Variants in ATE1 observed in about 807,000 individuals in gnomAD.
The protein encoded by ATE1 is arginyltransferase 1.
ATE1 carries 36 observed loss-of-function variants against 70.5 expected under a neutral mutation model. That is an observed-to-expected ratio of 0.51 (90% CI 0.39 to 0.67). The LOEUF is 0.67. Ranked by LOEUF, ATE1 falls within the 30% of genes least tolerant of loss-of-function variation. The pLI, the probability that ATE1 is intolerant of heterozygous loss-of-function variation, is 0.00. For synonymous variants in ATE1, 232 were observed against 219.3 expected (o/e 1.06, Z -0.51); for missense variants, 593 against 629.5 (o/e 0.94, Z 0.62).
intron 10 of ATE1, among the ~76,000 whole-genome samples, chr10:121,836,158 C>T (rs181851343): frequency 6.6e-6 from 1 of 152,302 alleles, no homozygotes; most frequent in East Asian, 1.9e-4. Context: ...TCTTGAGCTA[C>T]TCCTTCCTTT....
chr10:121,807,448 T>C (rs1386624601), intron 10 of ATE1, among the ~76,000 whole-genome samples: 1 of 152,174 alleles, frequency 6.6e-6, no homozygotes, highest in African/African-American at 2.4e-5. Context: ...ATTTTAACAT[T>C]TGTATCCCAG....
chr10:121,855,321 T>C (rs1949206458), intron 8 of ATE1, among the ~76,000 whole-genome samples: 1 of 152,216 alleles, frequency 6.6e-6, no homozygotes, highest in African/African-American at 2.4e-5. Context: ...GCAACAGTAA[T>C]AGGTAGATTT....
At chr10:121,752,381 C>T (rs1944623386) in intron 11 of ATE1, among the ~76,000 whole-genome samples, 1 of 151,184 alleles carries the variant, frequency 6.6e-6, no homozygotes, top group African/African-American at 2.4e-5. Context: ...CAGGCACCCG[C>T]CACCACGCCT....
intron 11 of ATE1, among the ~76,000 whole-genome samples, chr10:121,789,664 G>A (rs1397032029): frequency 6.6e-6 from 1 of 152,044 alleles, no homozygotes; most frequent in Admixed American, 6.6e-5. Flanking sequence ...GAACAATGGG[G>A]AACAAAATAT....
intron 3 of ATE1, among the ~76,000 whole-genome samples, chr10:121,915,653 G>T (rs1951619856): frequency 6.6e-6 from 1 of 152,098 alleles, no homozygotes; most frequent in Non-Finnish European, 1.5e-5. Flanking sequence ...ACTTTGGGAG[G>T]CCGAGGCAGG....
At chr10:121,916,099 C>T (rs939119410) in intron 3 of ATE1, among the ~76,000 whole-genome samples, 2 of 150,536 alleles carry the variant, frequency 1.3e-5, no homozygotes, top group African/African-American at 2.4e-5. Context: ...TGGTGGCAGG[C>T]ACCTGTAGTC....
chr10:121,856,998 G>C (rs1949273927), intron 8 of ATE1, among the ~76,000 whole-genome samples: 1 of 152,102 alleles, frequency 6.6e-6, no homozygotes, highest in African/African-American at 2.4e-5. Flanking sequence ...CAACTAAATT[G>C]AATTATAATT....
At chr10:121,856,828 T>C (rs1156473428) in intron 8 of ATE1, among the ~76,000 whole-genome samples, 5 of 152,168 alleles carry the variant, frequency 3.3e-5, no homozygotes, top group Non-Finnish European at 7.3e-5. Flanking sequence ...ATCTGAGAAG[T>C]GCAACGAAGC....
chr10:121,772,952 A>G (rs1311730976), intron 11 of ATE1, among the ~76,000 whole-genome samples: 1 of 152,236 alleles, frequency 6.6e-6, no homozygotes, highest in African/African-American at 2.4e-5. Flanking sequence ...GTGTTACACA[A>G]AAAGTTCTAA....
chr10:121,790,242 C>T lies in ATE1; in HGVS notation c.1305G>A (p.Trp435Ter). The T allele has an allele frequency of 6.2e-7, 1 of 1,613,986 alleles. No homozygotes were observed. The highest frequency in any genetic ancestry group is 8.5e-7 in the Non-Finnish European group (1 of 1,179,962). ...AAGGCAGGCATTGCTCAATGGGTACCCAAACATATGTCTCAGGGCACAGCA... is the reference window on the plus strand; with the variant it reads ...AAGGCAGGCATTGCTCAATGGGTACTCAAACATATGTCTCAGGGCACAGCA... Reference protein sequence around the residue: ...SDLLCPETYVWVPIEQCLPSL... With the variant: ...SDLLCPETYV Residue 435 changes from tryptophan to a stop codon, truncating the protein, a stop_gained, in exon 11 of 12, where the codon TGG becomes TGA. Coordinates refer to ENST00000224652, the MANE Select transcript of ATE1 (RefSeq NM_001001976.3). LOFTEE classifies it high-confidence loss of function.
At chr10:121,751,933 C>T in intron 11 of ATE1, among the ~76,000 whole-genome samples, 1 of 152,210 alleles carries the variant, frequency 6.6e-6, no homozygotes, top group East Asian at 2.0e-4. Context: ...GTGGCTCCCA[C>T]CTGTAATCCC....
chr10:121,850,848 T>C (rs1468647399), intron 8 of ATE1, among the ~76,000 whole-genome samples: 1 of 152,036 alleles, frequency 6.6e-6, no homozygotes, highest in African/African-American at 2.4e-5. Context: ...TCCCAGCACT[T>C]TGGGAGGCCA....
chr10:121,794,099 T>C (rs1946559436), intron 10 of ATE1, among the ~76,000 whole-genome samples: 1 of 152,250 alleles, frequency 6.6e-6, no homozygotes, highest in Admixed American at 6.5e-5. Context: ...GGTAACTTAC[T>C]GAATTCCCAT....
At chr10:121,781,702 C>G (rs1385697945) in intron 11 of ATE1, among the ~76,000 whole-genome samples, 1 of 152,176 alleles carries the variant, frequency 6.6e-6, no homozygotes, top group Non-Finnish European at 1.5e-5. Context: ...GAGAAGTGCT[C>G]AGAACTTTAC....
intron 10 of ATE1, among the ~76,000 whole-genome samples, chr10:121,823,717 G>C (rs1313323407): frequency 6.6e-6 from 1 of 152,184 alleles, no homozygotes; most frequent in Non-Finnish European, 1.5e-5. Flanking sequence ...AAGCTTTCTA[G>C]TTCATTGTAA....
chr10:121,846,659 T>C (rs1948834213), intron 8 of ATE1: 1 of 152,130 alleles, frequency 6.6e-6, no homozygotes, highest in African/African-American at 2.4e-5. Context: ...CAGATTTCTT[T>C]GTTCCTTCTC....
At chr10:121,789,692 A>AGG (rs1946356344) in intron 11 of ATE1, among the ~76,000 whole-genome samples, 3 of 152,096 alleles carry the variant, frequency 2.0e-5, no homozygotes, top group Admixed American at 1.3e-4. Flanking sequence ...ACTATACTGG[A>AGG]AGGGTACGCC....
chr10:121,748,656 T>G (rs2135690138), intron 11 of ATE1, among the ~76,000 whole-genome samples: 1 of 152,224 alleles, frequency 6.6e-6, no homozygotes, highest in South Asian at 2.1e-4. Context: ...TTTTTTGTTT[T>G]TTTTTTTAAC....
At chr10:121,805,530 G>C (rs1947061253) in intron 10 of ATE1, among the ~76,000 whole-genome samples, 1 of 152,082 alleles carries the variant, frequency 6.6e-6, no homozygotes, top group African/African-American at 2.4e-5. Flanking sequence ...ATACAATAAA[G>C]CATAAAATCA....
Sources: allele counts gnomAD v4.1 joint callset (sites outside exome capture counted in the v4.1 genomes callset), GRCh38; gene constraint gnomAD v4.1.1; transcripts MANE v1.5; gene names NCBI Gene and HGNC (gene_info 2026-07-23, HGNC 2026-07-21).